PDE5A: variants seen among roughly 807,000 people sequenced by gnomAD.
PDE5A encodes the protein phosphodiesterase 5A.
Under a neutral mutation model 110.2 loss-of-function variants are expected in PDE5A, and 67 were observed. That is an observed-to-expected ratio of 0.61 (90% CI 0.50 to 0.75). The LOEUF is 0.75. Among genes scored for constraint, PDE5A ranks in the 30% least tolerant of loss-of-function variants. PDE5A has a pLI of 0.00. For missense variants in PDE5A, 862 were observed against 1,045.1 expected (o/e 0.82, Z 2.42); for synonymous variants, 328 against 351.2 (o/e 0.93, Z 0.74).
At position 119,626,091 on chromosome 4, in the gene PDE5A, T is replaced by C. The variant is rs112480014; in HGVS notation, c.152+2429A>G. 5.8e-3 allele frequency among the ~76,000 whole-genome samples: 879 copies of C among 152,328 alleles called. 13 individuals are homozygous for C. The highest frequency in any genetic ancestry group is 0.019 in the African/African-American group (807 of 41,570). The stretch of plus-strand genomic sequence containing the variant: ...ATATGTATACACACATACATATATA[T>C]ATCACAGAAAGTGTTCAGCCTGTTG... On this transcript the variant is annotated intron_variant, in intron 1 of 20. Transcript: ENST00000354960.
intron 2 of PDE5A, among the ~76,000 whole-genome samples, chr4:119,605,050 T>A (rs1285177438): frequency 6.6e-6 from 1 of 152,180 alleles, no homozygotes; most frequent in African/African-American, 2.4e-5. Flanking sequence ...ATGACTACTG[T>A]AAAATTAATC....
At position 119,497,699 on chromosome 4, in the gene PDE5A, T is replaced by C. The variant is rs200545448; in HGVS notation, c.*902A>G. On this transcript the variant is annotated 3_prime_UTR_variant, in exon 21 of 21. Transcript: ENST00000354960. ...TTTTGTACTCTCTTATCTATAACCA[T>C]GTCTCACTTCAAGTCAATGCTACAA... The C allele has an allele frequency of 3.3e-5, 5 of 152,192 alleles. No individual in the cohort carries two copies. Among genetic ancestry groups the C allele is most frequent in the Non-Finnish European group, 7.4e-5 (5 of 68,020 alleles). The allele number at this position is 152,192 out of a possible 1,614,324, so 9.4% of individuals were successfully genotyped here. A position where few individuals can be genotyped will look rare whatever the true frequency, so the allele number is the denominator to read the frequency against.
At chr4:119,529,303 T>C (rs1342780400) in intron 11 of PDE5A, among the ~76,000 whole-genome samples, 2 of 152,300 alleles carry the variant, frequency 1.3e-5, no homozygotes, top group African/African-American at 4.8e-5. Flanking sequence ...ATGTCTCAGC[T>C]GCATCAGGGA....
intron 2 of PDE5A, among the ~76,000 whole-genome samples, chr4:119,601,574 T>C (rs1216740258): frequency 6.6e-6 from 1 of 152,156 alleles, no homozygotes; most frequent in Non-Finnish European, 1.5e-5. Context: ...TGGGTCATTC[T>C]ATCTAATTAC....
Position 119,535,034 on chromosome 4 carries a change from T to C in PDE5A, c.1632+3926A>G, listed in dbSNP as rs146562915. 2.0e-4 allele frequency among the ~76,000 whole-genome samples: 30 copies of C among 152,286 alleles called. No individual in the cohort carries two copies. The East Asian group carries it at 5.8e-3, about 29-fold the overall frequency. Reference sequence around the variant, plus strand: ...TTTTATAAAACCAAACCCTGGTATATATTTTACTGTTCTAACAAGAAAGGA... The same window carrying C: ...TTTTATAAAACCAAACCCTGGTATACATTTTACTGTTCTAACAAGAAAGGA... On this transcript the variant is annotated intron_variant, in intron 11 of 20. Transcript: ENST00000354960.
At chr4:119,590,075 G>C (rs1728910360) in intron 3 of PDE5A, among the ~76,000 whole-genome samples, 1 of 152,162 alleles carries the variant, frequency 6.6e-6, no homozygotes, top group South Asian at 2.1e-4. Context: ...GACCCCTACA[G>C]TCCGAATGCC....
intron 1 of PDE5A, among the ~76,000 whole-genome samples, chr4:119,620,481 A>G (rs890655267): frequency 6.6e-6 from 1 of 152,202 alleles, no homozygotes; most frequent in Non-Finnish European, 1.5e-5. Context: ...AGGAAAACCT[A>G]CCACTTCTGA....
chr4:119,520,347 G>A (rs966040819), intron 13 of PDE5A, among the ~76,000 whole-genome samples: 1 of 152,060 alleles, frequency 6.6e-6, no homozygotes, highest in African/African-American at 2.4e-5. Flanking sequence ...TAGAATCTAA[G>A]GACAGAGATA....
At chr4:119,510,359 T>G (rs187492215) in intron 15 of PDE5A, among the ~76,000 whole-genome samples, 2 of 152,228 alleles carry the variant, frequency 1.3e-5, no homozygotes, top group East Asian at 3.9e-4. Context: ...TAAGATTATA[T>G]GTCATGCATT....
chr4:119,601,438 A>C (rs1256708942), intron 2 of PDE5A, among the ~76,000 whole-genome samples: 4 of 152,114 alleles, frequency 2.6e-5, no homozygotes, highest in Non-Finnish European at 5.9e-5. Context: ...AGCTCTGCAC[A>C]CCACCCCACC....
At chr4:119,596,721 T>C in intron 2 of PDE5A, 109 bp from the exon 3 acceptor site, 1 of 513,910 alleles carries the variant, frequency 1.9e-6, no homozygotes, top group Non-Finnish European at 3.4e-6. Context: ...ACCTTGTTAC[T>C]CTGAGTAACA....
chr4:119,529,145 C>A (rs2110476642), intron 11 of PDE5A, among the ~76,000 whole-genome samples: 1 of 151,704 alleles, frequency 6.6e-6, no homozygotes, highest in Admixed American at 6.6e-5. Flanking sequence ...GGGGAAGTGT[C>A]TATGTATTTG....
At chr4:119,566,989 G>T in intron 4 of PDE5A, 84 bp downstream of exon 4, 3 of 903,670 alleles carry the variant, frequency 3.3e-6, no homozygotes, top group Non-Finnish European at 5.4e-6. Context: ...AACAATTTCA[G>T]CAACAGCTAA....
Position 119,627,313 on chromosome 4 carries a change from G to A in PDE5A, c.152+1207C>T. 8.2e-7 allele frequency: 1 copy of A among 1,226,358 alleles called. No homozygotes were observed. The highest frequency in any genetic ancestry group is 1.0e-6 in the Non-Finnish European group (1 of 970,046). The allele number at this position is 1,226,358 out of a possible 1,614,324, so 76.0% of individuals were successfully genotyped here. A position where few individuals can be genotyped will look rare whatever the true frequency, so the allele number is the denominator to read the frequency against. ...GCTCCCTCACGGCCCCGGCCTCCGC[G>A]CCGCCGCCCGTCGCCTCCCGCTCGC... On this transcript the variant is annotated intron_variant, in intron 1 of 20. Transcript: ENST00000354960. This position sits in a 1 kb window ranked among gnomAD's most constrained non-coding sequence, Gnocchi z 4.6.
At position 119,627,147 on chromosome 4, in the gene PDE5A, T is replaced by C. The variant is rs756406866; in HGVS notation, c.152+1373A>G. ...GGACGTAGGGGGATGCTGAAGGAAG[T>C]ACCTTGTTTTGTCTCCAAAGGGCAA... is the stretch of plus-strand genomic sequence containing the variant. On this transcript the variant is annotated intron_variant, in intron 1 of 20. Coordinates refer to ENST00000354960, the MANE Select transcript of PDE5A (RefSeq NM_001083.4). The surrounding 1 kb of genome is among the most constrained non-coding windows in gnomAD (Gnocchi z 4.6). The C allele has an allele frequency of 1.2e-6, 2 of 1,612,434 alleles. No homozygotes were observed. The highest frequency in any genetic ancestry group is 1.7e-6 in the Non-Finnish European group (2 of 1,179,076).
chr4:119,523,175 T>C (rs1281487201), intron 12 of PDE5A, among the ~76,000 whole-genome samples: 1 of 152,002 alleles, frequency 6.6e-6, no homozygotes, highest in Non-Finnish European at 1.5e-5. Flanking sequence ...GAAATGTTTG[T>C]TGTGGTAGAG....
In PDE5A at chr4:119,498,744, G is replaced by GAGAAA. The variant is rs2110447701; in HGVS notation, c.2491-11_2491-7dup. 6.2e-7 allele frequency: 1 copy of GAGAAA among 1,613,506 alleles called. No individual in the cohort carries two copies. The highest frequency in any genetic ancestry group is 2.2e-5 in the East Asian group (1 of 44,850). ...TCTGACACGTGGGTCAGGGCCTAAAGAGAAAAAAGAAAGCAAACAGCTAGA... is the reference window on the plus strand; with the variant it reads ...TCTGACACGTGGGTCAGGGCCTAAAGAGAAAAGAAAAAAGAAAGCAAACAGCTAGA... On this transcript the variant is annotated splice_region_variant and splice_polypyrimidine_tract_variant and intron_variant, in intron 20 of 20. Coordinates refer to ENST00000354960, the MANE Select transcript of PDE5A (RefSeq NM_001083.4).
intron 9 of PDE5A, 80 bp downstream of exon 9, chr4:119,552,470 T>C (rs1329614198): frequency 2.0e-6 from 1 of 506,486 alleles, no homozygotes; most frequent in Non-Finnish European, 3.4e-6. Context: ...TTTTATTCTT[T>C]ACATTTGAAA....
At position 119,542,516 on chromosome 4, in the gene PDE5A, G is replaced by C. The variant is rs201675470; in HGVS notation, c.1515C>G (p.Asn505Lys). 6.2e-7 allele frequency: 1 copy of C among 1,613,960 alleles called. No individual in the cohort carries two copies. Among genetic ancestry groups the C allele is most frequent in the Middle Eastern group, 1.6e-4 (1 of 6,062 alleles). ...FVIFCGLGIQ[N>K]TQMYEAVERA... ...TCTCCACTGCTTCATACATCTGCGTGTTCTGGATCCCCAAGCCACAAAAGA... is the reference window on the plus strand; with the variant it reads ...TCTCCACTGCTTCATACATCTGCGTCTTCTGGATCCCCAAGCCACAAAAGA... The change falls in exon 10 of 21, where the codon AAC (asparagine) becomes AAG (lysine). Residue 505 changes from asparagine to lysine, a missense_variant. Physicochemically the swap from Asn to Lys is moderately conservative, Grantham distance 94. Coordinates refer to ENST00000354960, the MANE Select transcript of PDE5A (RefSeq NM_001083.4).
Sources: gnomAD v4.1 joint callset for allele counts (sites outside exome capture counted in the v4.1 genomes callset) on GRCh38, gnomAD v4.1.1 for gene constraint, Gnocchi (gnomAD v3.1) non-coding constraint, MANE v1.5 for transcripts, NCBI Gene and HGNC (gene_info 2026-07-23, HGNC 2026-07-21) for gene names.